Variants in RHEB observed in about 807,000 individuals in gnomAD.
RHEB encodes Ras homolog, mTORC1 binding, also known as GTP-binding protein Rheb.
A neutral mutation model predicts 28.8 loss-of-function variants in RHEB; 2 were observed. The observed-to-expected ratio is 0.07, with a 90% CI of 0.03 to 0.22. The LOEUF is 0.22. Ranked by LOEUF, RHEB falls within the 10% of genes least tolerant of loss-of-function variation. The probability of loss-of-function intolerance (pLI) is 1.00; values close to 1 mark genes in which losing one functional copy is unlikely to be tolerated. For missense variants in RHEB, 76 were observed against 219.9 expected (o/e 0.35, Z 4.14); for synonymous variants, 69 against 77.3 (o/e 0.89, Z 0.56).
chr7:151,496,190 C>T (rs1182110212), intron 1 of RHEB, among the ~76,000 whole-genome samples: 1 of 152,178 alleles, frequency 6.6e-6, no homozygotes, highest in Non-Finnish European at 1.5e-5. Context: ...TAACAGTGGG[C>T]CTGAAAGCCC....
In RHEB at chr7:151,468,183, G is replaced by A. The variant is rs1364975560; in HGVS notation, c.463-972C>T. Among the ~76,000 whole-genome samples, 2 of 152,104 alleles carry A rather than the reference G, an allele frequency of 1.3e-5. No individual in the cohort carries two copies. Among genetic ancestry groups the A allele is most frequent in the Non-Finnish European group, 2.9e-5 (2 of 68,010 alleles). On this transcript the variant is annotated intron_variant, in intron 7 of 7. Coordinates refer to ENST00000262187, the MANE Select transcript of RHEB (RefSeq NM_005614.4). The surrounding 1 kb of genome is among the most constrained non-coding windows in gnomAD (Gnocchi z 4.3). ...AAACCAGAACACACCAACTGCCAGC[G>A]TCCCACCACACCACCTTCCCAGCTC...
At chr7:151,481,791 G>T (rs554659526) in intron 3 of RHEB, among the ~76,000 whole-genome samples, 1 of 152,176 alleles carries the variant, frequency 6.6e-6, no homozygotes, top group African/African-American at 2.4e-5. Context: ...AATATAACCC[G>T]AAGGGGCAAG....
rs1159638088 is a variant in RHEB at position 151,467,187 on chromosome 7, T to C, written c.487A>G (p.Ile163Val). ...TCCATTTTTTCTGCCTCCAAAATTA[T>C]CCTTCGAAAAACATCCACAGCAGTC... ...NQTAVDVFRR[I>V]ILEAEKMDGA... is the part of the protein sequence containing the mutation. The change falls in exon 8 of 8, where the codon ATA becomes GTA. Residue 163 changes from isoleucine to valine, a missense_variant. Transcript: ENST00000262187. The C allele has an allele frequency of 6.2e-7, 1 of 1,613,574 alleles. No homozygotes were observed. Among genetic ancestry groups the C allele is most frequent in the Non-Finnish European group, 8.5e-7 (1 of 1,179,544 alleles).
chr7:151,482,733 T>A (rs1467474361), intron 3 of RHEB, among the ~76,000 whole-genome samples: 1 of 152,154 alleles, frequency 6.6e-6, no homozygotes, highest in Non-Finnish European at 1.5e-5. Context: ...CCAACATAAT[T>A]ATTATTAGCA....
Position 151,509,888 on chromosome 7 carries a change from A to G in RHEB, c.52+9572T>C, listed in dbSNP as rs1802952752. Among the ~76,000 whole-genome samples the G allele has an allele frequency of 2.0e-5, 3 of 152,200 alleles. No individual in the cohort carries two copies. The South Asian group carries it at 6.2e-4, about 31-fold the overall frequency. ...GTCTGTGGCTGCTTCCGTCCTACAA[A>G]GGCAAAGTAGAATAGCTGCAAGAGA... On this transcript the variant is annotated intron_variant, in intron 1 of 7. Coordinates refer to ENST00000262187, the MANE Select transcript of RHEB (RefSeq NM_005614.4).
Position 151,472,347 on chromosome 7 carries a change from C to T in RHEB, c.276-742G>A, listed in dbSNP as rs543909538. Among the ~76,000 whole-genome samples, 8 of 152,168 alleles carry T rather than the reference C, an allele frequency of 5.3e-5. No individual in the cohort carries two copies. Among genetic ancestry groups the T allele is most frequent in the Non-Finnish European group, 1.0e-4 (7 of 68,026 alleles). ...CAGTTCCACAGCCCCAACCCTTCCC[C>T]GCCACCCCTGCTCAGCACAGCAACC... is the stretch of plus-strand genomic sequence containing the variant. On this transcript the variant is annotated intron_variant, in intron 4 of 7. Transcript: ENST00000262187. The surrounding 1 kb of genome is among the most constrained non-coding windows in gnomAD (Gnocchi z 5.2).
intron 2 of RHEB, among the ~76,000 whole-genome samples, chr7:151,487,539 T>A (rs867492718): frequency 1.1e-4 from 17 of 150,012 alleles, no homozygotes; most frequent in Middle Eastern, 6.8e-3. Context: ...AAAAAAAAAA[T>A]AAACATTTGC....
At chr7:151,518,185 T>C (rs1411214801) in intron 1 of RHEB, 2 of 152,170 alleles carry the variant, frequency 1.3e-5, no homozygotes, top group Non-Finnish European at 2.9e-5. Flanking sequence ...CCCGCATCTC[T>C]AGCCAAGCTT....
chr7:151,516,583 A>T (rs1047395736), intron 1 of RHEB, among the ~76,000 whole-genome samples: 1 of 139,410 alleles, frequency 7.2e-6, no homozygotes, highest in Admixed American at 8.0e-5. Flanking sequence ...AGATCCCGCC[A>T]CTGCACTCCA....
intron 1 of RHEB, among the ~76,000 whole-genome samples, chr7:151,499,519 TA>T (rs575445333): frequency 2.0e-4 from 30 of 152,330 alleles, no homozygotes; most frequent in Non-Finnish European, 3.7e-4. Flanking sequence ...CTCTGCATCA[TA>T]ATGATTAAAT....
At chr7:151,500,350 A>C (rs1480639366) in intron 1 of RHEB, among the ~76,000 whole-genome samples, 1 of 152,230 alleles carries the variant, frequency 6.6e-6, no homozygotes, top group Non-Finnish European at 1.5e-5. Flanking sequence ...GAAGAAACAA[A>C]GTATGTACCT....
rs933377450 is a variant in RHEB, at chr7:151,468,987, T to C, written c.462+1584A>G. On this transcript the variant is annotated intron_variant, in intron 7 of 7. Transcript: ENST00000262187. The surrounding 1 kb of genome is among the most constrained non-coding windows in gnomAD (Gnocchi z 4.3). ...CACTTCTAAAATGAGGCGGTTTAAC[T>C]ACATGATCTGAAGGATACAGTCCAT... Among the ~76,000 whole-genome samples, 1 of 152,254 alleles carries C rather than the reference T, an allele frequency of 6.6e-6. No individual in the cohort carries two copies. The highest frequency in any genetic ancestry group is 1.5e-5 in the Non-Finnish European group (1 of 68,044).
chr7:151,480,993 C>T (rs372326814), intron 3 of RHEB, among the ~76,000 whole-genome samples: 1 of 151,926 alleles, frequency 6.6e-6, no homozygotes, highest in Admixed American at 6.6e-5. Flanking sequence ...CCATTTATGC[C>T]GGAGGTTGCA....
At chr7:151,516,483 C>T (rs1488971413) in intron 1 of RHEB, among the ~76,000 whole-genome samples, 1 of 151,520 alleles carries the variant, frequency 6.6e-6, no homozygotes, top group Admixed American at 6.6e-5. Flanking sequence ...ATTAGCTGGG[C>T]GGGGTGGCAG....
At chr7:151,502,870 A>G (rs1340743214) in intron 1 of RHEB, 20 of 876,118 alleles carry the variant, frequency 2.3e-5, no homozygotes, top group South Asian at 2.1e-4. Context: ...AACTAAGTCA[A>G]TCTGATATGT....
intron 1 of RHEB, chr7:151,498,169 G>T (rs1802706536): frequency 1.6e-6 from 2 of 1,289,564 alleles, no homozygotes. Flanking sequence ...CGTAGGTCCT[G>T]GCTTGAGGAA....
chr7:151,484,375 A>T (rs1049498356), intron 3 of RHEB, among the ~76,000 whole-genome samples: 2 of 152,262 alleles, frequency 1.3e-5, no homozygotes, highest in African/African-American at 4.8e-5. Context: ...ATTCTAAAGC[A>T]GAAAAACAAG....
intron 7 of RHEB, among the ~76,000 whole-genome samples, chr7:151,467,932 A>G (rs770647462): frequency 3.3e-5 from 5 of 152,032 alleles, no homozygotes; most frequent in Non-Finnish European, 7.4e-5. Flanking sequence ...TACAGATTGG[A>G]GGTTTCTATG....
intron 2 of RHEB, among the ~76,000 whole-genome samples, chr7:151,489,530 G>C (rs34110931): frequency 0.39 from 59,172 of 152,062 alleles, 13,847 homozygotes; most frequent in South Asian, 0.6. Context: ...CAGCACACTG[G>C]AACACAAAGG....
Sources: allele counts gnomAD v4.1 joint callset (sites outside exome capture counted in the v4.1 genomes callset), GRCh38; gene constraint gnomAD v4.1.1; non-coding constraint Gnocchi (gnomAD v3.1); transcripts MANE v1.5; gene names NCBI Gene and HGNC (gene_info 2026-07-23, HGNC 2026-07-21).